The following STARD3NL variants were observed in gnomAD, a reference collection of about 807,000 sequenced individuals.
The protein encoded by STARD3NL is STARD3 N-terminal like, also known as STARD3 N-terminal-like protein.
A neutral mutation model predicts 30.9 loss-of-function variants in STARD3NL; 17 were observed. That is an observed-to-expected ratio of 0.55 (90% CI 0.38 to 0.82). The LOEUF (loss-of-function observed/expected upper bound fraction) is 0.82, where lower values mean the gene tolerates loss of function less well. Among genes scored for constraint, STARD3NL ranks in the 40% least tolerant of loss-of-function variants. STARD3NL has a pLI of 0.00. For synonymous variants in STARD3NL, 112 were observed against 100.5 expected (o/e 1.11, Z -0.69); for missense variants, 234 against 277.6 (o/e 0.84, Z 1.12).
intron 1 of STARD3NL, among the ~76,000 whole-genome samples, chr7:38,193,648 T>C (rs940051529): frequency 1.3e-5 from 2 of 152,208 alleles, no homozygotes; most frequent in African/African-American, 4.8e-5. Context: ...GTTTTAGGAA[T>C]AAGCTCTGAT....
At chr7:38,225,721 CT>C (rs542534286) in intron 7 of STARD3NL, among the ~76,000 whole-genome samples, 2 of 151,256 alleles carry the variant, frequency 1.3e-5, no homozygotes, top group East Asian at 1.9e-4. Flanking sequence ...TGATTTGATA[CT>C]TTTTTTTTCT....
At chr7:38,215,448 G>A (rs998338895) in intron 4 of STARD3NL, 1 of 280,080 alleles carries the variant, frequency 3.6e-6, no homozygotes, top group African/African-American at 2.2e-5. Context: ...GTCTTATTTG[G>A]TTGAAACTGC....
At chr7:38,220,635 CT>C (rs1197155129) in intron 7 of STARD3NL, among the ~76,000 whole-genome samples, 1 of 152,228 alleles carries the variant, frequency 6.6e-6, no homozygotes, top group Non-Finnish European at 1.5e-5. Context: ...ACTTCTACCC[CT>C]GGGTATGTAC....
intron 1 of STARD3NL, among the ~76,000 whole-genome samples, chr7:38,194,401 A>C (rs896199715): frequency 6.6e-6 from 1 of 152,112 alleles, no homozygotes; most frequent in Non-Finnish European, 1.5e-5. Context: ...AGTTATCATC[A>C]TCCTCCTTTT....
chr7:38,179,975 T>C (rs1258775807), intron 1 of STARD3NL, among the ~76,000 whole-genome samples: 2 of 152,144 alleles, frequency 1.3e-5, no homozygotes, highest in African/African-American at 4.8e-5. Context: ...TGGAGCTGAG[T>C]GAACCTAGGG....
chr7:38,225,483 A>T (rs1786705893), intron 7 of STARD3NL, among the ~76,000 whole-genome samples: 1 of 152,206 alleles, frequency 6.6e-6, no homozygotes, highest in African/African-American at 2.4e-5. Flanking sequence ...TTCAATTAAG[A>T]TTACAATACA....
intron 6 of STARD3NL, among the ~76,000 whole-genome samples, chr7:38,218,059 C>A (rs1011406937): frequency 2.6e-5 from 4 of 152,146 alleles, no homozygotes; most frequent in Non-Finnish European, 5.9e-5. Flanking sequence ...AATTACCAAG[C>A]TGAAATTCTT....
chr7:38,219,501 A>G (rs973401817), intron 6 of STARD3NL, 64 bp from the exon 7 acceptor site: 21 of 1,189,310 alleles, frequency 1.8e-5, no homozygotes, highest in Non-Finnish European at 2.6e-5. Flanking sequence ...ATTTTACTTA[A>G]TCTTGCCAAA....
chr7:38,219,498 T>G (rs1786323075), intron 6 of STARD3NL, 67 bp from the exon 7 acceptor site: 1 of 1,154,042 alleles, frequency 8.7e-7, no homozygotes, highest in African/African-American at 1.5e-5. Flanking sequence ...TTTATTTTAC[T>G]TAATCTTGCC....
At chr7:38,179,788 G>A (rs1205038906) in intron 1 of STARD3NL, among the ~76,000 whole-genome samples, 1 of 152,238 alleles carries the variant, frequency 6.6e-6, no homozygotes, top group Non-Finnish European at 1.5e-5. Flanking sequence ...GGGATGGTCA[G>A]GGAAGACCTC....
intron 2 of STARD3NL, among the ~76,000 whole-genome samples, chr7:38,211,741 A>G (rs987622155): frequency 6.6e-6 from 1 of 152,180 alleles, no homozygotes; most frequent in African/African-American, 2.4e-5. Context: ...GTCTGACTTA[A>G]CATGTTTCCC....
chr7:38,228,868 T>A lies in STARD3NL; in HGVS notation c.*14T>A. On this transcript the variant is annotated 3_prime_UTR_variant, in exon 8 of 9. Coordinates refer to ENST00000009041, the MANE Select transcript of STARD3NL (RefSeq NM_032016.4). ...TTAGAACTATGAGTACTACTTTTGT[T>A]AAAGTAAGTGTTTGAAATGAAACCA... 7 of 1,607,582 alleles carry A rather than the reference T, an allele frequency of 4.4e-6. No homozygotes were observed. The highest frequency in any genetic ancestry group is 6.0e-6 in the Non-Finnish European group (7 of 1,175,616).
chr7:38,209,483 A>C (rs1785672785), intron 2 of STARD3NL, among the ~76,000 whole-genome samples: 1 of 152,040 alleles, frequency 6.6e-6, no homozygotes, highest in Non-Finnish European at 1.5e-5. Flanking sequence ...ACAGGGTTTC[A>C]CCGTGTTGGC....
At chr7:38,193,034 G>C (rs547651735) in intron 1 of STARD3NL, among the ~76,000 whole-genome samples, 1 of 152,096 alleles carries the variant, frequency 6.6e-6, no homozygotes, top group South Asian at 2.1e-4. Flanking sequence ...TTCAGAATAA[G>C]AGACTTAGCC....
At chr7:38,197,172 C>A (rs963481538) in intron 1 of STARD3NL, among the ~76,000 whole-genome samples, 3 of 147,274 alleles carry the variant, frequency 2.0e-5, no homozygotes, top group East Asian at 4.0e-4. Context: ...TTCTTTCTTT[C>A]TTTCTTTCTT....
chr7:38,204,162 C>T (rs1583800966), intron 1 of STARD3NL, among the ~76,000 whole-genome samples: 1 of 152,182 alleles, frequency 6.6e-6, no homozygotes, highest in East Asian at 1.9e-4. Context: ...AACTCTCCAC[C>T]CCAAATCAAC....
chr7:38,210,673 C>CT (rs1190806006), intron 2 of STARD3NL, among the ~76,000 whole-genome samples: 5 of 152,166 alleles, frequency 3.3e-5, no homozygotes, highest in African/African-American at 2.4e-5. Context: ...CCTGAGGACT[C>CT]TTTTCCCTCT....
rs1251273747 is a variant in STARD3NL at position 38,196,684 on chromosome 7, T to C, written c.-58-10763T>C. ...ATACCAAATAACTGGCCGAGTGAGT[T>C]TATTTAAATGCCTTATAGAATTTTT... is the stretch of plus-strand genomic sequence containing the variant. On this transcript the variant is annotated intron_variant, in intron 1 of 8. Coordinates refer to ENST00000009041, the MANE Select transcript of STARD3NL (RefSeq NM_032016.4). Among the ~76,000 whole-genome samples, 3 of 152,346 alleles carry C rather than the reference T, an allele frequency of 2.0e-5. No homozygotes were observed. In the East Asian group the frequency reaches 5.8e-4, roughly 29 times the overall value.
intron 1 of STARD3NL, chr7:38,202,146 G>A (rs983114176): frequency 2.6e-5 from 4 of 152,232 alleles, no homozygotes; most frequent in African/African-American, 9.6e-5. Context: ...GGAATATGTT[G>A]TTGCTGTACC....
Sources: allele counts gnomAD v4.1 joint callset (sites outside exome capture counted in the v4.1 genomes callset), GRCh38; gene constraint gnomAD v4.1.1; transcripts MANE v1.5; gene names NCBI Gene and HGNC (gene_info 2026-07-23, HGNC 2026-07-21).